The following SLC14A2 variants were observed in gnomAD, a reference collection of about 807,000 sequenced individuals.
SLC14A2 encodes urea transporter 2.
In SLC14A2, 91 loss-of-function variants were observed where a neutral mutation model predicts 104.6. The ratio of observed to expected loss-of-function variants is 0.87; its 90% confidence interval spans 0.73 to 1.04. The LOEUF (loss-of-function observed/expected upper bound fraction) is 1.04, where lower values mean the gene tolerates loss of function less well. Ranked by LOEUF, SLC14A2 falls within the 50% of genes least tolerant of loss-of-function variation. The pLI is 0.00. For synonymous variants in SLC14A2, 476 were observed against 466.4 expected (o/e 1.02, Z -0.27); for missense variants, 1,189 against 1,156.0 (o/e 1.03, Z -0.41).
chr18:45,556,161 C>T (rs1302922351), intron 2 of SLC14A2, among the ~76,000 whole-genome samples: 2 of 152,174 alleles, frequency 1.3e-5, no homozygotes, highest in Non-Finnish European at 2.9e-5. Flanking sequence ...CAAAGTCCCT[C>T]TCATAAGGAC....
chr18:45,235,901 A>G (rs12962425), intron 1 of SLC14A2, among the ~76,000 whole-genome samples: 1 of 116,054 alleles, frequency 8.6e-6, no homozygotes, highest in African/African-American at 3.6e-5. Context: ...GTGTGTATGT[A>G]TGTATATATA....
intron 1 of SLC14A2, among the ~76,000 whole-genome samples, chr18:45,481,377 CTTAA>C (rs2144697855): frequency 6.6e-6 from 1 of 152,132 alleles, no homozygotes; most frequent in South Asian, 2.1e-4. Context: ...TATTTTATTT[CTTAA>C]TTAAGAATTT....
intron 1 of SLC14A2, among the ~76,000 whole-genome samples, chr18:45,428,126 T>G (rs982118745): frequency 6.6e-6 from 1 of 152,126 alleles, no homozygotes; most frequent in Admixed American, 6.5e-5. Flanking sequence ...AGGGAGAGAT[T>G]ATATGTAAAT....
At chr18:45,662,363 T>C (rs2045949443) in intron 10 of SLC14A2, among the ~76,000 whole-genome samples, 2 of 152,210 alleles carry the variant, frequency 1.3e-5, no homozygotes, top group Non-Finnish European at 2.9e-5. Context: ...ACAGACCCTC[T>C]TGTTGTTGGC....
At chr18:45,253,726 T>C (rs1304902624) in intron 1 of SLC14A2, among the ~76,000 whole-genome samples, 2 of 152,192 alleles carry the variant, frequency 1.3e-5, no homozygotes, top group African/African-American at 4.8e-5. Flanking sequence ...TGGCTCCAAG[T>C]CTTATCTTCA....
At chr18:45,570,602 C>T (rs537774787) in intron 2 of SLC14A2, among the ~76,000 whole-genome samples, 7 of 152,290 alleles carry the variant, frequency 4.6e-5, no homozygotes, top group Admixed American at 1.3e-4. Context: ...AAGCAATATA[C>T]CTTCTATCCT....
chr18:45,286,570 A>C (rs1329629211), intron 1 of SLC14A2, among the ~76,000 whole-genome samples: 1 of 152,220 alleles, frequency 6.6e-6, no homozygotes, highest in Non-Finnish European at 1.5e-5. Flanking sequence ...TTTAGATCGA[A>C]TATTGCCTTT....
chr18:45,667,207 C>T, intron 13 of SLC14A2, 113 bp downstream of exon 13: 3 of 746,486 alleles, frequency 4.0e-6, no homozygotes, highest in Non-Finnish European at 6.5e-6. Context: ...GACTAGACTG[C>T]ACTCTGTTAC....
intron 1 of SLC14A2, among the ~76,000 whole-genome samples, chr18:45,223,037 C>A (rs984840929): frequency 6.6e-6 from 1 of 152,180 alleles, no homozygotes; most frequent in South Asian, 2.1e-4. Context: ...TCACCATGGA[C>A]CATCATGGCC....
At chr18:45,563,157 G>A (rs1051217851) in intron 2 of SLC14A2, among the ~76,000 whole-genome samples, 1 of 152,226 alleles carries the variant, frequency 6.6e-6, no homozygotes. Context: ...TTTGCCCCTT[G>A]TAGAATGAGA....
chr18:45,500,606 C>A (rs1167471571), intron 2 of SLC14A2, among the ~76,000 whole-genome samples: 1 of 150,600 alleles, frequency 6.6e-6, no homozygotes, highest in African/African-American at 2.4e-5. Flanking sequence ...AGAAATCCTG[C>A]CCTTATCCTG....
chr18:45,568,184 T>C (rs1194206354), intron 2 of SLC14A2, among the ~76,000 whole-genome samples: 1 of 152,188 alleles, frequency 6.6e-6, no homozygotes, highest in East Asian at 1.9e-4. Flanking sequence ...GAGGGATCCT[T>C]CACTCCCACT....
intron 2 of SLC14A2, among the ~76,000 whole-genome samples, chr18:45,594,526 C>A (rs2044695494): frequency 6.6e-6 from 1 of 152,108 alleles, no homozygotes; most frequent in Non-Finnish European, 1.5e-5. Context: ...TCTCTCTGAT[C>A]CCCTCCTCTC....
chr18:45,302,835 A>G (rs948548441), intron 1 of SLC14A2, among the ~76,000 whole-genome samples: 3 of 152,184 alleles, frequency 2.0e-5, no homozygotes, highest in African/African-American at 7.2e-5. Context: ...ACAAAAATAT[A>G]AAGTAGTAAG....
At chr18:45,281,972 C>T (rs2084767106) in intron 1 of SLC14A2, among the ~76,000 whole-genome samples, 1 of 152,250 alleles carries the variant, frequency 6.6e-6, no homozygotes, top group South Asian at 2.1e-4. Context: ...CTACTTGCAG[C>T]CTCCTCCTTT....
intron 1 of SLC14A2, among the ~76,000 whole-genome samples, chr18:45,338,108 A>G (rs2085353918): frequency 6.6e-6 from 1 of 152,160 alleles, no homozygotes; most frequent in Admixed American, 6.5e-5. Flanking sequence ...TCTTTCAACC[A>G]ATTGCCAGTC....
At chr18:45,580,659 G>A (rs1232226245) in intron 2 of SLC14A2, among the ~76,000 whole-genome samples, 1 of 152,154 alleles carries the variant, frequency 6.6e-6, no homozygotes, top group Non-Finnish European at 1.5e-5. Context: ...TTTAATCATA[G>A]CAGCCATATA....
rs181870816 is a variant in SLC14A2, at chr18:45,633,887, T to C, written c.650+1409T>C. 4.9e-3 allele frequency among the ~76,000 whole-genome samples: 742 copies of C among 152,348 alleles called. 9 individuals carry two copies. Among genetic ancestry groups the C allele is most frequent in the African/African-American group, 0.017 (695 of 41,582 alleles). On this transcript the variant is annotated intron_variant, in intron 5 of 19. Transcript: ENST00000255226. ...CTCTTAGGGTTTCGTTCTTAATCCA[T>C]TGGGACAAAAAGCCAAGACAGTCAT...
chr18:45,354,223 G>A (rs775037908), intron 1 of SLC14A2, among the ~76,000 whole-genome samples: 2 of 152,144 alleles, frequency 1.3e-5, no homozygotes, highest in Non-Finnish European at 2.9e-5. Flanking sequence ...TGATGTTCCC[G>A]GGATCACCAG....
Sources: allele counts gnomAD v4.1 joint callset (sites outside exome capture counted in the v4.1 genomes callset), GRCh38; gene constraint gnomAD v4.1.1; transcripts MANE v1.5; gene names NCBI Gene and HGNC (gene_info 2026-07-23, HGNC 2026-07-21).